ZNF627: variants seen among roughly 807,000 people sequenced by gnomAD.
ZNF627 encodes the protein zinc finger protein 627.
In ZNF627, 12 loss-of-function variants were observed where a neutral mutation model predicts 10.6. That is an observed-to-expected ratio of 1.13 (90% CI 0.73 to 1.84). The LOEUF (loss-of-function observed/expected upper bound fraction) is 1.84. Among genes scored for constraint, ZNF627 ranks in the 40% most tolerant of loss-of-function variants. ZNF627 has a pLI of 0.00. For synonymous variants in ZNF627, 176 were observed against 187.1 expected (o/e 0.94, Z 0.48); for missense variants, 504 against 568.4 (o/e 0.89, Z 1.15).
In ZNF627 at chr19:11,618,271, T is replaced by A. The variant is rs1026615220; in HGVS notation, c.*382T>A. ...GAATACAGGCTGTATGGACACTTGC[T>A]TCCATCCCATTTTCCTGCTTCTTTG... On this transcript the variant is annotated 3_prime_UTR_variant, in exon 4 of 4. Coordinates refer to ENST00000361113, the MANE Select transcript of ZNF627 (RefSeq NM_145295.4). 5 of 174,928 alleles carry A rather than the reference T, an allele frequency of 2.9e-5. No homozygotes were observed. Among genetic ancestry groups the A allele is most frequent in the African/African-American group, 9.4e-5 (4 of 42,368 alleles). 10.8% of individuals were successfully genotyped at this position (174,928 alleles called of 1,614,324 possible). A position where few individuals can be genotyped will look rare whatever the true frequency, so the allele number is the denominator to read the frequency against.
rs1363074219 is a variant in ZNF627, at chr19:11,617,490, C to T, written c.987C>T (p.His329=). The T allele has an allele frequency of 3.1e-6, 5 of 1,613,278 alleles. No individual in the cohort carries two copies. Among genetic ancestry groups the T allele is most frequent in the Non-Finnish European group, 3.4e-6 (4 of 1,179,828 alleles). The change falls in exon 4 of 4, where the codon CAC becomes CAT. Residue 329 remains histidine, a synonymous_variant. Transcript: ENST00000361113. ...GTGTTAGAAGACACATGATAAAGCA[C>T]ACTGGCAATGGACCTTATAAATGTA... The part of the protein sequence containing the change: ...LASVRRHMIK[H]TGNGPYKCKV...
chr19:11,608,179 A>G (rs542266526), intron 1 of ZNF627, among the ~76,000 whole-genome samples: 2 of 152,282 alleles, frequency 1.3e-5, no homozygotes, highest in South Asian at 4.2e-4. Flanking sequence ...GTGAGAACTC[A>G]CTATCATGAG....
Position 11,617,545 on chromosome 19 carries a change from A to G in ZNF627, c.1042A>G (p.Ser348Gly). ...KVCGKAFDFP[S>G]SFRIHERTHT... is the part of the protein sequence containing the mutation. ...GTGTGGGAAAGCCTTTGATTTCCCC[A>G]GTTCATTTCGAATCCATGAAAGGAC... Residue 348 changes from serine to glycine, a missense_variant, in exon 4 of 4, where the codon AGT becomes GGT. By Grantham distance (56) the Ser-to-Gly change is moderately conservative. Transcript: ENST00000361113. The G allele has an allele frequency of 6.2e-7, 1 of 1,613,820 alleles. No homozygotes were observed. Among genetic ancestry groups the G allele is most frequent in the South Asian group, 1.1e-5 (1 of 91,080 alleles).
intron 1 of ZNF627, 140 bp downstream of exon 1, chr19:11,597,770 G>C: frequency 1.1e-6 from 1 of 935,032 alleles, no homozygotes; most frequent in Non-Finnish European, 1.4e-6. Flanking sequence ...GCAAGGTGGG[G>C]CTGGGCCAGG....
Position 11,597,732 on chromosome 19 carries a change from G to A in ZNF627, c.3+102G>A, listed in dbSNP as rs545694813. 10 of 1,233,752 alleles carry A rather than the reference G, an allele frequency of 8.1e-6. No individual in the cohort carries two copies. In the Admixed American group the frequency reaches 1.9e-4, roughly 23 times the overall value. The allele number at this position is 1,233,752 out of a possible 1,614,324, so 76.4% of individuals were successfully genotyped here. On this transcript the variant is annotated intron_variant, in intron 1 of 3. Coordinates refer to ENST00000361113, the MANE Select transcript of ZNF627 (RefSeq NM_145295.4). ...ACCTAGGCCTCCCTGCGGCGACTCC[G>A]GGGTCTGGGACCCGAGTTCCCTCGG...
At position 11,597,640 on chromosome 19, in the gene ZNF627, AG is replaced by A; in HGVS notation, c.3+14del. 1.5e-6 allele frequency: 2 copies of A among 1,336,640 alleles called. No homozygotes were observed. Among genetic ancestry groups the A allele is most frequent in the Non-Finnish European group, 1.9e-6 (2 of 1,036,906 alleles). 82.8% of individuals were successfully genotyped at this position (1,336,640 alleles called of 1,614,324 possible). On this transcript the variant is annotated intron_variant, in intron 1 of 3. Transcript: ENST00000361113. ...TGGAAGCCGAGAAATGGTGCGTGTG[AG>A]GGGTCAGGCGTCCCCAGACCTGGGG...
Position 11,618,400 on chromosome 19 carries a change from A to T in ZNF627, c.*511A>T. 1 of 153,216 alleles carries T rather than the reference A, an allele frequency of 6.5e-6. No individual in the cohort carries two copies. Among genetic ancestry groups the T allele is most frequent in the Non-Finnish European group, 1.5e-5 (1 of 68,868 alleles). 9.5% of individuals were successfully genotyped at this position (153,216 alleles called of 1,614,324 possible). On this transcript the variant is annotated 3_prime_UTR_variant, in exon 4 of 4. Coordinates refer to ENST00000361113, the MANE Select transcript of ZNF627 (RefSeq NM_145295.4). Reference sequence around the variant, plus strand: ...GAAGCCCTGCATTGAATATCCATCCACACTTTGGTTTTCCTTCAGACATTA... The same window carrying T: ...GAAGCCCTGCATTGAATATCCATCCTCACTTTGGTTTTCCTTCAGACATTA...
Position 11,599,428 on chromosome 19 carries a change from A to T in ZNF627, c.3+1798A>T, listed in dbSNP as rs547530001. Among the ~76,000 whole-genome samples, 24 of 152,274 alleles carry T rather than the reference A, an allele frequency of 1.6e-4. No homozygotes were observed. The South Asian group carries it at 2.7e-3, about 17-fold the overall frequency. On this transcript the variant is annotated intron_variant, in intron 1 of 3. Transcript: ENST00000361113. ...ATTCTTGCCCTCTGGATTCTTTTAG[A>T]CTGGTGAAGTGAGAAAACTTATCCC...
chr19:11,603,969 G>A (rs1973631654), intron 1 of ZNF627, among the ~76,000 whole-genome samples: 1 of 151,192 alleles, frequency 6.6e-6, no homozygotes, highest in African/African-American at 2.4e-5. Context: ...CACCACATCT[G>A]GCTAATTTTT....
At chr19:11,610,334 A>G (rs533959927) in intron 1 of ZNF627, among the ~76,000 whole-genome samples, 2 of 152,112 alleles carry the variant, frequency 1.3e-5, no homozygotes, top group East Asian at 1.9e-4. Context: ...CAGGCTTTAG[A>G]TGGTCTATCA....
At chr19:11,600,477 G>A (rs975048790) in intron 1 of ZNF627, among the ~76,000 whole-genome samples, 55 of 152,028 alleles carry the variant, frequency 3.6e-4, no homozygotes, top group Non-Finnish European at 2.9e-5. Context: ...CCCAAAGCAA[G>A]TGTAGTAAGT....
At position 11,617,891 on chromosome 19, in the gene ZNF627, C is replaced by G; in HGVS notation, c.*2C>G. ...TCAGTTGTCCCAGTTCTTTCATGAG[C>G]ATGAAAGGAGTCACATAGAGAAACC... is the stretch of plus-strand genomic sequence containing the variant. On this transcript the variant is annotated 3_prime_UTR_variant, in exon 4 of 4. Coordinates refer to ENST00000361113, the MANE Select transcript of ZNF627 (RefSeq NM_145295.4). The G allele has an allele frequency of 1.3e-6, 2 of 1,524,424 alleles. No homozygotes were observed. The highest frequency in any genetic ancestry group is 2.8e-5 in the African/African-American group (2 of 72,056). 94.4% of individuals were successfully genotyped at this position (1,524,424 alleles called of 1,614,324 possible). A position where few individuals can be genotyped will look rare whatever the true frequency, so the allele number is the denominator to read the frequency against.
At chr19:11,607,353 C>T (rs1015512078) in intron 1 of ZNF627, among the ~76,000 whole-genome samples, 2 of 152,068 alleles carry the variant, frequency 1.3e-5, no homozygotes, top group Non-Finnish European at 2.9e-5. Context: ...TCAGGCTGCT[C>T]TCAAACTCCT....
chr19:11,618,038 G>C lies in ZNF627; in HGVS notation c.*149G>C. The C allele has an allele frequency of 3.2e-6, 2 of 619,666 alleles. No individual in the cohort carries two copies. Among genetic ancestry groups the C allele is most frequent in the Non-Finnish European group, 5.2e-6 (2 of 384,372 alleles). 38.4% of individuals were successfully genotyped at this position (619,666 alleles called of 1,614,324 possible). ...TGGCTTTAAATTACGAGAGACTTGT[G>C]ATAGGACAGTAAAACCTAGAGTTGG... On this transcript the variant is annotated 3_prime_UTR_variant, in exon 4 of 4. Coordinates refer to ENST00000361113, the MANE Select transcript of ZNF627 (RefSeq NM_145295.4).
chr19:11,612,086 T>A (rs970216331), intron 1 of ZNF627, among the ~76,000 whole-genome samples: 1 of 151,634 alleles, frequency 6.6e-6, no homozygotes, highest in Admixed American at 6.6e-5. Context: ...CATTTTGATT[T>A]CATTTTTGTA....
chr19:11,605,331 G>A (rs116509774), intron 1 of ZNF627, among the ~76,000 whole-genome samples: 1,641 of 151,512 alleles, frequency 0.011, 28 homozygotes, highest in African/African-American at 0.036. Flanking sequence ...ATGAGCCACC[G>A]TGCCCAGCCT....
intron 1 of ZNF627, 89 bp downstream of exon 1, chr19:11,597,719 C>G (rs1042307056): frequency 3.2e-5 from 41 of 1,265,736 alleles, no homozygotes; most frequent in African/African-American, 7.6e-5. Flanking sequence ...CTAGGCCTCC[C>G]TGCGGCGACT....
At position 11,617,605 on chromosome 19, in the gene ZNF627, T is replaced by C. The variant is rs1468958218; in HGVS notation, c.1102T>C (p.Cys368Arg). 1 of 1,613,768 alleles carries C rather than the reference T, an allele frequency of 6.2e-7. No individual in the cohort carries two copies. The highest frequency in any genetic ancestry group is 2.2e-5 in the East Asian group (1 of 44,894). The change falls in exon 4 of 4, where the codon TGT becomes CGT. Residue 368 changes from cysteine (C) to arginine (R), a missense_variant. Transcript: ENST00000361113. ...AGAGAAACCCTATGATTGTAAGCAA[T>C]GTGGGAAAGCCTTCAGTTGTTCCAG... ...TGEKPYDCKQCGKAFSCSSSF... is the reference protein window; with the variant it reads ...TGEKPYDCKQRGKAFSCSSSF...
At chr19:11,616,045 T>C (rs925252898) in intron 3 of ZNF627, among the ~76,000 whole-genome samples, 7 of 150,014 alleles carry the variant, frequency 4.7e-5, no homozygotes, top group Admixed American at 1.3e-4. Context: ...TTCTTTCTTT[T>C]TTTTTTTTTT....
Sources: gnomAD v4.1 joint callset for allele counts (sites outside exome capture counted in the v4.1 genomes callset) on GRCh38, gnomAD v4.1.1 for gene constraint, MANE v1.5 for transcripts, NCBI Gene and HGNC (gene_info 2026-07-23, HGNC 2026-07-21) for gene names.